The following GPR39 variants were observed in gnomAD, a reference collection of about 807,000 sequenced individuals.
The protein encoded by GPR39 is G protein-coupled receptor 39, also known as zinc sensing receptor.
A neutral mutation model predicts 18.4 loss-of-function variants in GPR39; 23 were observed. The observed-to-expected ratio is 1.25, with a 90% confidence interval of 0.90 to 1.77. The LOEUF (loss-of-function observed/expected upper bound fraction) is 1.77. Among genes scored for constraint, GPR39 ranks in the 40% most tolerant of loss-of-function variants. The pLI is 0.00. For synonymous variants in GPR39, 280 were observed against 257.9 expected (o/e 1.09, Z -0.82); for missense variants, 647 against 602.4 (o/e 1.07, Z -0.78).
chr2:132,477,240 A>G (rs560195019), intron 1 of GPR39, among the ~76,000 whole-genome samples: 3 of 152,314 alleles, frequency 2.0e-5, no homozygotes, highest in South Asian at 2.1e-4. Context: ...CAGAAGAGGA[A>G]GAGGAGGCGC....
chr2:132,587,826 C>T (rs1029852731), intron 1 of GPR39, among the ~76,000 whole-genome samples: 3 of 152,186 alleles, frequency 2.0e-5, no homozygotes, highest in Admixed American at 6.5e-5. Context: ...TGAGCCACTG[C>T]GCCCAGCCTA....
intron 1 of GPR39, among the ~76,000 whole-genome samples, chr2:132,523,159 GA>G (rs1679453371): frequency 6.6e-6 from 1 of 152,290 alleles, no homozygotes; most frequent in African/African-American, 2.4e-5. Flanking sequence ...TCACAAACCA[GA>G]CATTACTTTT....
At chr2:132,449,264 T>C (rs1046338295) in intron 1 of GPR39, among the ~76,000 whole-genome samples, 1 of 130,038 alleles carries the variant, frequency 7.7e-6, no homozygotes, top group Non-Finnish European at 1.8e-5. Flanking sequence ...TTGTTTTGTT[T>C]TGAGACAGAG....
intron 1 of GPR39, among the ~76,000 whole-genome samples, chr2:132,612,077 G>A (rs1162454067): frequency 2.0e-5 from 3 of 146,436 alleles, no homozygotes; most frequent in Non-Finnish European, 4.6e-5. Context: ...GCATTGCAGT[G>A]CCCTGAACTG....
chr2:132,472,801 A>T (rs924356221), intron 1 of GPR39, among the ~76,000 whole-genome samples: 13 of 152,238 alleles, frequency 8.5e-5, no homozygotes, highest in African/African-American at 3.1e-4. Flanking sequence ...AGTATTACTT[A>T]GCTTGTAATG....
chr2:132,573,707 C>T (rs534139110), intron 1 of GPR39, among the ~76,000 whole-genome samples: 2 of 152,250 alleles, frequency 1.3e-5, no homozygotes, highest in Non-Finnish European at 2.9e-5. Context: ...GGATTCCATA[C>T]CCAAGAATCT....
intron 1 of GPR39, among the ~76,000 whole-genome samples, chr2:132,498,243 C>A (rs4635576): frequency 0.97 from 147,716 of 152,144 alleles, 71,883 homozygotes; most frequent in East Asian, 1. Flanking sequence ...TGCTGCCCCC[C>A]ACCCTTTACC....
At chr2:132,594,118 A>C (rs1180107213) in intron 1 of GPR39, among the ~76,000 whole-genome samples, 1 of 152,076 alleles carries the variant, frequency 6.6e-6, no homozygotes, top group Non-Finnish European at 1.5e-5. Flanking sequence ...TCAGACAGTG[A>C]CCTTCTGCCT....
chr2:132,599,443 G>A (rs539924557), intron 1 of GPR39, among the ~76,000 whole-genome samples: 2 of 152,186 alleles, frequency 1.3e-5, no homozygotes, highest in African/African-American at 4.8e-5. Flanking sequence ...ACCGTGGCTA[G>A]AGGTGGGGTC....
intron 1 of GPR39, among the ~76,000 whole-genome samples, chr2:132,462,294 G>T (rs1211610446): frequency 1.3e-5 from 2 of 152,218 alleles, no homozygotes; most frequent in Admixed American, 1.3e-4. Flanking sequence ...GTATCAAGAG[G>T]TTGTGGTGCT....
intron 1 of GPR39, among the ~76,000 whole-genome samples, chr2:132,427,250 T>A (rs1321332829): frequency 6.8e-6 from 1 of 147,132 alleles, no homozygotes; most frequent in Non-Finnish European, 1.5e-5. Flanking sequence ...CTGCAAGCTC[T>A]GCCTCCCAGG....
At chr2:132,468,025 C>G (rs1680962560) in intron 1 of GPR39, among the ~76,000 whole-genome samples, 2 of 152,162 alleles carry the variant, frequency 1.3e-5, no homozygotes, top group African/African-American at 4.8e-5. Context: ...TCTCAAATCT[C>G]AGCTCCTGGT....
rs191704360 is a variant in GPR39, at chr2:132,447,146, C to T, written c.856+29248C>T. Among the ~76,000 whole-genome samples the T allele has an allele frequency of 3.9e-5, 6 of 152,284 alleles. 1 individual carries two copies. The highest frequency in any genetic ancestry group is 3.9e-4 in the Admixed American group (6 of 15,300). ...AACCGCCAGCCTGGTCTCTGTACCT[C>T]GGTCTTCATCCCTGTCCTATCCCTT... is the stretch of plus-strand genomic sequence containing the variant. On this transcript the variant is annotated intron_variant, in intron 1 of 1. Transcript: ENST00000329321.
chr2:132,424,704 A>G (rs1172245057), intron 1 of GPR39, among the ~76,000 whole-genome samples: 1 of 152,138 alleles, frequency 6.6e-6, no homozygotes, highest in African/African-American at 2.4e-5. Flanking sequence ...GCACAGTTGG[A>G]TTTCTAGTGC....
At chr2:132,644,411 T>G (rs1433766534) in intron 1 of GPR39, among the ~76,000 whole-genome samples, 1 of 152,224 alleles carries the variant, frequency 6.6e-6, no homozygotes, top group African/African-American at 2.4e-5. Context: ...CATCTCTGAA[T>G]AATTCTTTTT....
intron 1 of GPR39, among the ~76,000 whole-genome samples, chr2:132,521,143 G>T (rs116259797): frequency 0.017 from 2,658 of 152,216 alleles, 42 homozygotes; most frequent in Non-Finnish European, 0.031. Context: ...AAGGATGAAG[G>T]GTCCAAGGCA....
At chr2:132,425,643 C>T (rs1242999279) in intron 1 of GPR39, among the ~76,000 whole-genome samples, 1 of 152,156 alleles carries the variant, frequency 6.6e-6, no homozygotes, top group Non-Finnish European at 1.5e-5. Context: ...AATCTGTTGA[C>T]CTTAAAATAG....
chr2:132,558,683 T>A (rs192929800), intron 1 of GPR39, among the ~76,000 whole-genome samples: 3 of 152,232 alleles, frequency 2.0e-5, no homozygotes, highest in Non-Finnish European at 4.4e-5. Flanking sequence ...GAAGGTGGAT[T>A]TCTCTGCTTC....
At chr2:132,557,170 T>G (rs1680168357) in intron 1 of GPR39, among the ~76,000 whole-genome samples, 1 of 151,972 alleles carries the variant, frequency 6.6e-6, no homozygotes, top group Non-Finnish European at 1.5e-5. Flanking sequence ...AATACAAAAA[T>G]TAGCTGGGCA....
Sources: gnomAD v4.1 joint callset for allele counts (sites outside exome capture counted in the v4.1 genomes callset) on GRCh38, gnomAD v4.1.1 for gene constraint, MANE v1.5 for transcripts, NCBI Gene and HGNC (gene_info 2026-07-23, HGNC 2026-07-21) for gene names.